SCP2: variants seen among roughly 807,000 people sequenced by gnomAD.
The protein encoded by SCP2 is SCP-2/3-oxoacyl-CoA thiolase.
SCP2 carries 48 observed loss-of-function variants against 71.4 expected under a neutral mutation model. The observed-to-expected ratio is 0.67, with a 90% CI of 0.53 to 0.86. The LOEUF (loss-of-function observed/expected upper bound fraction) is 0.86, where lower values mean the gene tolerates loss of function less well. SCP2 is among the 40% of genes least tolerant of loss of function. SCP2 has a pLI of 0.00. For missense variants in SCP2, 560 were observed against 655.6 expected (o/e 0.85, Z 1.59); for synonymous variants, 220 against 218.1 (o/e 1.01, Z -0.08).
chr1:53,003,535 TAGAGTCTTC>T (rs1318705655), intron 11 of SCP2, among the ~76,000 whole-genome samples: 2 of 152,262 alleles, frequency 1.3e-5, no homozygotes, highest in South Asian at 4.1e-4. Flanking sequence ...TTTTTTGAGA[TAGAGTCTTC>T]CTCTGTTGCC....
At chr1:52,999,370 G>A (rs757046601) in intron 11 of SCP2, among the ~76,000 whole-genome samples, 25 of 152,186 alleles carry the variant, frequency 1.6e-4, no homozygotes, top group Admixed American at 3.3e-4. Flanking sequence ...ATGGTCAAGC[G>A]AAGTTCCAAA....
chr1:52,932,893 A>G (rs1432888776), intron 1 of SCP2, among the ~76,000 whole-genome samples: 2 of 152,228 alleles, frequency 1.3e-5, no homozygotes, highest in Admixed American at 6.5e-5. Context: ...TGGAGGAGAA[A>G]AGAGATACAG....
In SCP2 at chr1:52,961,541, C is replaced by T; in HGVS notation, c.435C>T (p.Asp145=). 6.2e-7 allele frequency: 1 copy of T among 1,613,780 alleles called. No homozygotes were observed. Among genetic ancestry groups the T allele is most frequent in the Admixed American group, 1.7e-5 (1 of 59,992 alleles). ...DRTIPTDKHV[D]LLINKYGLSA... is the part of the protein sequence containing the mutation. Reference sequence around the variant, plus strand: ...CCATTCCCACTGATAAGCATGTTGACCTCCTGATCAATAAGTATGGATTGT... The same window carrying T: ...CCATTCCCACTGATAAGCATGTTGATCTCCTGATCAATAAGTATGGATTGT... The change falls in exon 6 of 16, where the codon GAC becomes GAT. Residue 145 remains aspartate, a synonymous_variant. Coordinates refer to ENST00000371514, the MANE Select transcript of SCP2 (RefSeq NM_002979.5).
At chr1:52,974,192 TA>T (rs958698084) in intron 6 of SCP2, among the ~76,000 whole-genome samples, 61 of 152,068 alleles carry the variant, frequency 4.0e-4, no homozygotes, top group African/African-American at 1.3e-3. Flanking sequence ...TTAAAAGTAG[TA>T]AAAAAAAATT....
intron 12 of SCP2, among the ~76,000 whole-genome samples, chr1:53,027,263 C>G (rs752036932): frequency 2.0e-5 from 3 of 152,078 alleles, no homozygotes; most frequent in African/African-American, 7.2e-5. Flanking sequence ...ACATGTTGCC[C>G]AGGCTGGTCT....
chr1:52,967,653 C>T (rs1411603969), intron 6 of SCP2, among the ~76,000 whole-genome samples: 1 of 152,020 alleles, frequency 6.6e-6, no homozygotes, highest in East Asian at 1.9e-4. Context: ...AAGAGAAAGA[C>T]AAAAAGATCT....
rs1040592026 is a variant in SCP2 at position 52,998,965 on chromosome 1, G to C, written c.1081+10829G>C. ...TCAAAGAGAGACTCGCATTCAAAGA[G>C]ATACCTCAGGAAATCTGCAGTATCC... On this transcript the variant is annotated intron_variant, in intron 11 of 15. Coordinates refer to ENST00000371514, the MANE Select transcript of SCP2 (RefSeq NM_002979.5). 1.3e-5 allele frequency among the ~76,000 whole-genome samples: 2 copies of C among 152,170 alleles called. 1 individual carries two copies. The highest frequency in any genetic ancestry group is 4.8e-5 in the African/African-American group (2 of 41,454).
intron 15 of SCP2, 88 bp from the exon 16 acceptor site, chr1:53,050,521 A>C: frequency 1.2e-6 from 1 of 840,482 alleles, no homozygotes; most frequent in South Asian, 1.4e-5. Context: ...CTGGATAAAT[A>C]AATGATCTCA....
chr1:53,039,431 G>A (rs2170301), intron 14 of SCP2, among the ~76,000 whole-genome samples: 48,117 of 152,108 alleles, frequency 0.32, 12,717 homozygotes, highest in African/African-American at 0.72. Flanking sequence ...TTAACCGTAA[G>A]GCACACGGTC....
chr1:52,976,591 A>G (rs990841469), intron 7 of SCP2, 92 bp from the exon 8 acceptor site: 49 of 766,154 alleles, frequency 6.4e-5, no homozygotes, highest in Non-Finnish European at 9.2e-5. Flanking sequence ...GGTTGTGAAA[A>G]TAATATTTAC....
At chr1:53,019,054 T>A (rs1326059597) in intron 12 of SCP2, among the ~76,000 whole-genome samples, 1 of 152,182 alleles carries the variant, frequency 6.6e-6, no homozygotes, top group Non-Finnish European at 1.5e-5. Flanking sequence ...CCAAATTAGA[T>A]TCAGATTATA....
At chr1:53,009,047 T>A (rs1314884131) in intron 11 of SCP2, among the ~76,000 whole-genome samples, 1 of 151,872 alleles carries the variant, frequency 6.6e-6, no homozygotes, top group African/African-American at 2.4e-5. Context: ...GAGAATAAAA[T>A]ACCTAGGAAT....
At chr1:52,930,306 C>T (rs2150091888) in intron 1 of SCP2, among the ~76,000 whole-genome samples, 1 of 143,438 alleles carries the variant, frequency 7.0e-6, no homozygotes, top group Admixed American at 7.1e-5. Context: ...CTTGGTATCC[C>T]TAAAGTATAT....
Position 52,927,407 on chromosome 1 carries a change from C to T in SCP2, c.11C>T (p.Ser4Phe). ...CGCACTGGTGCAGCCATGTCCTCTT[C>T]CCCGTGGGAGCCTGCGACCCTGCGC... Reference protein sequence around the residue: MSSSPWEPATLRRV... With the variant: MSSFPWEPATLRRV... The change falls in exon 1 of 16, where the codon TCC (serine) becomes TTC (phenylalanine). Residue 4 changes from serine to phenylalanine, a missense_variant. Around this residue, in one of 3 missense-constraint regions of SCP2, gnomAD observed 513 missense variants for 573.1 expected, o/e 0.90. Transcript: ENST00000371514. 2 of 1,596,536 alleles carry T rather than the reference C, an allele frequency of 1.3e-6. No homozygotes were observed. Among genetic ancestry groups the T allele is most frequent in the East Asian group, 2.3e-5 (1 of 44,254 alleles).
chr1:52,962,798 T>C (rs1017995840), intron 6 of SCP2, among the ~76,000 whole-genome samples: 2 of 152,080 alleles, frequency 1.3e-5, no homozygotes, highest in African/African-American at 2.4e-5. Context: ...TTCCCAGAAC[T>C]TCCTATTCAC....
At chr1:53,043,175 A>G (rs1663553456) in intron 14 of SCP2, among the ~76,000 whole-genome samples, 1 of 152,234 alleles carries the variant, frequency 6.6e-6, no homozygotes, top group Non-Finnish European at 1.5e-5. Context: ...TCTGTCACTC[A>G]GAGGGTATAT....
chr1:52,980,165 G>A (rs769546048), intron 9 of SCP2, among the ~76,000 whole-genome samples: 1 of 152,000 alleles, frequency 6.6e-6, no homozygotes, highest in South Asian at 2.1e-4. Flanking sequence ...GTAGAGACAG[G>A]ATCTTCCATT....
chr1:53,004,264 G>A (rs1660490425), intron 11 of SCP2, among the ~76,000 whole-genome samples: 2 of 152,192 alleles, frequency 1.3e-5, no homozygotes, highest in South Asian at 4.1e-4. Context: ...AATATTTTTA[G>A]ACTGTAATCG....
chr1:52,964,389 A>G lies in SCP2; in HGVS notation c.523+2760A>G, dbSNP rs563039846. The stretch of plus-strand genomic sequence containing the variant: ...GGCATTTTTTGTATTTTTAGTAGAG[A>G]CGGGGTTTCACCATGTTAGCCGGGA... On this transcript the variant is annotated intron_variant, in intron 6 of 15. Coordinates refer to ENST00000371514, the MANE Select transcript of SCP2 (RefSeq NM_002979.5). 1.0e-3 allele frequency among the ~76,000 whole-genome samples: 154 copies of G among 151,282 alleles called. 1 individual carries two copies. The highest frequency in any genetic ancestry group is 6.8e-3 in the Middle Eastern group (2 of 292).
Sources: allele counts gnomAD v4.1 joint callset (sites outside exome capture counted in the v4.1 genomes callset), GRCh38; gene constraint gnomAD v4.1.1; regional missense constraint gnomAD v4.1.1; transcripts MANE v1.5; gene names NCBI Gene and HGNC (gene_info 2026-07-23, HGNC 2026-07-21).